Variants in SPECC1 observed in about 807,000 individuals in gnomAD.
SPECC1 encodes sperm antigen with calponin homology and coiled-coil domains 1, also known as cytospin-B.
In SPECC1, 62 loss-of-function variants were observed where a neutral mutation model predicts 104.1. That is an observed-to-expected ratio of 0.60 (90% confidence interval 0.49 to 0.74). The LOEUF (loss-of-function observed/expected upper bound fraction) is 0.74, where lower values mean the gene tolerates loss of function less well. SPECC1 is among the 30% of genes least tolerant of loss of function. SPECC1 has a pLI of 0.00. For missense variants in SPECC1, 1,306 were observed against 1,310.5 expected, an observed-to-expected ratio of 1.00 and a Z score of 0.05; for synonymous variants, 513 against 501.6, an observed-to-expected ratio of 1.02 and a Z score of -0.30.
At chr17:20,302,392 G>A (rs541200704) in intron 13 of SPECC1, among the ~76,000 whole-genome samples, 39 of 152,280 alleles carry the variant, frequency 2.6e-4, no homozygotes, top group African/African-American at 6.5e-4. Context: ...CTTACAGCCC[G>A]TGGGGGAAGT....
At chr17:20,046,509 C>T (rs373278571) in intron 1 of SPECC1, among the ~76,000 whole-genome samples, 2 of 152,090 alleles carry the variant, frequency 1.3e-5, no homozygotes, top group African/African-American at 4.8e-5. Context: ...CCCTGCCCCT[C>T]TGGAGTTTAT....
At chr17:20,210,027 G>A (rs1023328650) in intron 4 of SPECC1, among the ~76,000 whole-genome samples, 1 of 152,236 alleles carries the variant, frequency 6.6e-6, no homozygotes, top group Admixed American at 6.5e-5. Flanking sequence ...AATGGTTTGC[G>A]GGAGTCAGCA....
intron 1 of SPECC1, among the ~76,000 whole-genome samples, chr17:20,028,038 T>A (rs2044662484): frequency 6.6e-6 from 1 of 152,264 alleles, no homozygotes; most frequent in Non-Finnish European, 1.5e-5. Flanking sequence ...CTAAGAGTTT[T>A]ACAGTCGTAA....
intron 2 of SPECC1, among the ~76,000 whole-genome samples, chr17:20,103,637 C>T (rs1024515953): frequency 5.9e-5 from 9 of 152,158 alleles, no homozygotes; most frequent in Non-Finnish European, 8.8e-5. Flanking sequence ...GCTGTTTCTC[C>T]TGCCGATCTT....
At chr17:20,242,520 C>T (rs1007168304) in intron 7 of SPECC1, among the ~76,000 whole-genome samples, 10 of 152,182 alleles carry the variant, frequency 6.6e-5, no homozygotes, top group African/African-American at 2.4e-4. Flanking sequence ...TGGCCTGCAA[C>T]TGTTGTTCTC....
chr17:20,209,955 TC>T (rs2037028163), intron 4 of SPECC1, among the ~76,000 whole-genome samples: 1 of 152,242 alleles, frequency 6.6e-6, no homozygotes, highest in Non-Finnish European at 1.5e-5. Context: ...CTTAGTTCTT[TC>T]TGCAGAAACT....
rs1321356792 is a variant in SPECC1 at position 20,246,179 on chromosome 17, C to A, written c.2497+108C>A. ...CCCTGGCCCTGTGTTGTTACAACCA[C>A]AAGGGCGCTTTCCAGGTCCTACCAC... On this transcript the variant is annotated intron_variant, in intron 8 of 14. Coordinates refer to ENST00000395527, the MANE Select transcript of SPECC1 (RefSeq NM_001243439.2). The A allele has an allele frequency of 8.0e-6, 11 of 1,370,918 alleles. No individual in the cohort carries two copies. The East Asian group carries it at 2.7e-4, about 33-fold the overall frequency. The allele number at this position is 1,370,918 out of a possible 1,614,324, so 84.9% of individuals were successfully genotyped here. A position where few individuals can be genotyped will look rare whatever the true frequency, so the allele number is the denominator to read the frequency against.
chr17:20,311,530 A>G (rs868069961), intron 14 of SPECC1, among the ~76,000 whole-genome samples: 23 of 152,082 alleles, frequency 1.5e-4, no homozygotes, highest in African/African-American at 5.1e-4. Context: ...AACTGGGATT[A>G]TAGACACCTG....
In SPECC1 at chr17:20,132,709, G is replaced by GTATT. The variant is rs1445219124; in HGVS notation, c.283+22149_283+22150insTTTA. Among the ~76,000 whole-genome samples the GTATT allele has an allele frequency of 2.6e-3, 374 of 141,556 alleles. 3 individuals are homozygous for GTATT. Among genetic ancestry groups the GTATT allele is most frequent in the African/African-American group, 9.8e-3 (362 of 37,128 alleles). The allele number at this position is 141,556 out of a possible 152,430, so 92.9% of individuals were successfully genotyped here. A position where few individuals can be genotyped will look rare whatever the true frequency, so the allele number is the denominator to read the frequency against. On this transcript the variant is annotated intron_variant, in intron 3 of 14. Transcript: ENST00000395527. ...TCTTCTAAACTGTCAAATTTTATGTGTAGTTATTTATTTATTTATTTATTT... is the reference window on the plus strand; with the variant it reads ...TCTTCTAAACTGTCAAATTTTATGTGTATTTAGTTATTTATTTATTTATTTATTT...
At chr17:20,110,778 G>A (rs1420729598) in intron 3 of SPECC1, among the ~76,000 whole-genome samples, 2 of 152,074 alleles carry the variant, frequency 1.3e-5, no homozygotes, top group Non-Finnish European at 2.9e-5. Flanking sequence ...GTAACTGGGC[G>A]TGCTGTGGTT....
chr17:20,130,687 A>G (rs1179668002), intron 3 of SPECC1, among the ~76,000 whole-genome samples: 1 of 152,140 alleles, frequency 6.6e-6, no homozygotes, highest in Non-Finnish European at 1.5e-5. Flanking sequence ...GATTCTTCCT[A>G]CTTTATTATT....
At chr17:20,261,172 G>C (rs1158015924) in intron 12 of SPECC1, among the ~76,000 whole-genome samples, 1 of 152,076 alleles carries the variant, frequency 6.6e-6, no homozygotes, top group Non-Finnish European at 1.5e-5. Flanking sequence ...GAATGCTATA[G>C]TGGGGATGAG....
chr17:20,313,058 T>A (rs561511197), intron 14 of SPECC1, among the ~76,000 whole-genome samples: 1 of 152,232 alleles, frequency 6.6e-6, no homozygotes, highest in Non-Finnish European at 1.5e-5. Flanking sequence ...TTATTAAATA[T>A]GTCCAGTGGC....
intron 3 of SPECC1, among the ~76,000 whole-genome samples, chr17:20,164,614 T>C (rs1410438879): frequency 6.6e-6 from 1 of 152,218 alleles, no homozygotes; most frequent in East Asian, 1.9e-4. Flanking sequence ...CTTTAACATA[T>C]TTGGTTTGAG....
intron 12 of SPECC1, among the ~76,000 whole-genome samples, chr17:20,283,277 G>A (rs955640762): frequency 6.6e-6 from 1 of 152,222 alleles, no homozygotes; most frequent in African/African-American, 2.4e-5. Context: ...TATTCCATGA[G>A]GGACAAAAGG....
intron 12 of SPECC1, among the ~76,000 whole-genome samples, chr17:20,283,914 A>G (rs2040858557): frequency 1.3e-5 from 2 of 152,110 alleles, no homozygotes; most frequent in African/African-American, 4.8e-5. Flanking sequence ...ACAGGAATAT[A>G]TTTTGAGTAT....
At chr17:20,191,035 GTAAATGCTTC>G (rs1377174735) in intron 3 of SPECC1, among the ~76,000 whole-genome samples, 1 of 152,158 alleles carries the variant, frequency 6.6e-6, no homozygotes, top group Non-Finnish European at 1.5e-5. Context: ...CTTTAACTTA[GTAAATGCTTC>G]AGTTAAGGTT....
rs375269919 is a variant in SPECC1, at chr17:20,253,538, A to C, written c.2632A>C (p.Ser878Arg). 4 of 1,613,972 alleles carry C rather than the reference A, an allele frequency of 2.5e-6. No individual in the cohort carries two copies. The highest frequency in any genetic ancestry group is 2.5e-6 in the Non-Finnish European group (3 of 1,180,032). The change falls in exon 10 of 15, where the codon AGC (serine) becomes CGC (arginine). Residue 878 changes from serine (S) to arginine (R), a missense_variant. Around this residue, in one of 2 missense-constraint regions of SPECC1, gnomAD observed 1,177 missense variants for 1,139.9 expected, o/e 1.03. Coordinates refer to ENST00000395527, the MANE Select transcript of SPECC1 (RefSeq NM_001243439.2). ...GACTTACAGCAGTGTGCGGCCAGCC[A>C]GCAGAGGGGTGACTCAACGCTTGGA... ...HSTYSSVRPA[S>R]RGVTQRLDLP...
At chr17:20,268,166 G>C (rs1391973123) in intron 12 of SPECC1, among the ~76,000 whole-genome samples, 1 of 152,224 alleles carries the variant, frequency 6.6e-6, no homozygotes, top group Non-Finnish European at 1.5e-5. Flanking sequence ...ATCTGTATCT[G>C]TTCCACTTTT....
Sources: gnomAD v4.1 joint callset for allele counts (sites outside exome capture counted in the v4.1 genomes callset) on GRCh38, gnomAD v4.1.1 for gene constraint, gnomAD v4.1.1 regional missense constraint, MANE v1.5 for transcripts, NCBI Gene and HGNC (gene_info 2026-07-23, HGNC 2026-07-21) for gene names.